CDKAL1: variants seen among roughly 807,000 people sequenced by gnomAD.
CDKAL1 encodes the protein CDKAL1 threonylcarbamoyladenosine tRNA methylthiotransferase.
In CDKAL1, 32 loss-of-function variants were observed where a neutral mutation model predicts 68.2. The ratio of observed to expected loss-of-function variants is 0.47; its 90% CI spans 0.35 to 0.63. The LOEUF (loss-of-function observed/expected upper bound fraction) is 0.63. CDKAL1 is among the 30% of genes least tolerant of loss of function. CDKAL1 has a pLI of 0.00. For synonymous variants in CDKAL1, 234 were observed against 244.3 expected, an observed-to-expected ratio of 0.96 and a Z score of 0.39; for missense variants, 606 against 696.7, an observed-to-expected ratio of 0.87 and a Z score of 1.47.
At chr6:21,088,383 A>G (rs1772817256) in intron 12 of CDKAL1, among the ~76,000 whole-genome samples, 1 of 152,194 alleles carries the variant, frequency 6.6e-6, no homozygotes, top group South Asian at 2.1e-4. Flanking sequence ...ACCATAATCT[A>G]CAGATATGTA....
At chr6:20,826,382 T>G (rs1265752648) in intron 8 of CDKAL1, among the ~76,000 whole-genome samples, 1 of 152,226 alleles carries the variant, frequency 6.6e-6, no homozygotes, top group East Asian at 1.9e-4. Flanking sequence ...CTTGCTTTTC[T>G]TGTGAAAGTT....
intron 15 of CDKAL1, among the ~76,000 whole-genome samples, chr6:21,205,294 C>G (rs535448662): frequency 1.1e-3 from 168 of 152,138 alleles, no homozygotes; most frequent in African/African-American, 4.0e-3. Flanking sequence ...AGTCCCTGCT[C>G]TCAATTCTTT....
chr6:21,201,324 T>G (rs370418756), intron 15 of CDKAL1, 50 bp downstream of exon 15: 1 of 1,493,368 alleles, frequency 6.7e-7, no homozygotes, highest in Non-Finnish European at 9.2e-7. Context: ...ACAGCAGCTG[T>G]GGAAGCACAG....
At position 20,846,061 on chromosome 6, in the gene CDKAL1, T is replaced by C; in HGVS notation, c.639-14T>C. ...TAGAAATTTGAGTCTTATTTATTGTTATCATTTGAACAGGTGTCTCAATGC... is the reference window on the plus strand; with the variant it reads ...TAGAAATTTGAGTCTTATTTATTGTCATCATTTGAACAGGTGTCTCAATGC... On this transcript the variant is annotated splice_polypyrimidine_tract_variant and intron_variant, in intron 8 of 15. Coordinates refer to ENST00000274695, the MANE Select transcript of CDKAL1 (RefSeq NM_017774.3). The C allele has an allele frequency of 6.4e-7, 1 of 1,559,860 alleles. No individual in the cohort carries two copies. Among genetic ancestry groups the C allele is most frequent in the Non-Finnish European group, 8.8e-7 (1 of 1,136,648 alleles).
intron 15 of CDKAL1, among the ~76,000 whole-genome samples, chr6:21,213,680 G>T (rs914423635): frequency 2.0e-5 from 3 of 152,118 alleles, no homozygotes; most frequent in Admixed American, 1.3e-4. Context: ...ATTCTTGTGG[G>T]AAGTGATTTC....
At chr6:20,567,003 G>A (rs989186491) in intron 4 of CDKAL1, among the ~76,000 whole-genome samples, 2 of 151,912 alleles carry the variant, frequency 1.3e-5, no homozygotes, top group East Asian at 1.9e-4. Context: ...TATACTAGGA[G>A]GGGTATTTTT....
chr6:20,663,842 G>T (rs2127773356), intron 5 of CDKAL1, among the ~76,000 whole-genome samples: 1 of 152,088 alleles, frequency 6.6e-6, no homozygotes, highest in East Asian at 1.9e-4. Context: ...CAGGTTGAAG[G>T]ACAGTTAAAC....
chr6:20,984,311 C>A (rs1403505953), intron 10 of CDKAL1, among the ~76,000 whole-genome samples: 1 of 152,084 alleles, frequency 6.6e-6, no homozygotes, highest in African/African-American at 2.4e-5. Context: ...TTCCACAGCT[C>A]ATGGGTGGGG....
chr6:20,673,851 CCT>C (rs1308824230), intron 5 of CDKAL1, among the ~76,000 whole-genome samples: 1 of 152,196 alleles, frequency 6.6e-6, no homozygotes, highest in Admixed American at 6.5e-5. Flanking sequence ...GTCCAATAAA[CCT>C]CTTTCTTTTG....
intron 9 of CDKAL1, among the ~76,000 whole-genome samples, chr6:20,865,262 A>T (rs928552963): frequency 6.6e-6 from 1 of 152,184 alleles, no homozygotes; most frequent in South Asian, 2.1e-4. Context: ...AATACTTGGT[A>T]TTGCAAATGC....
At chr6:21,027,501 T>G (rs1302966814) in intron 11 of CDKAL1, among the ~76,000 whole-genome samples, 1 of 152,202 alleles carries the variant, frequency 6.6e-6, no homozygotes, top group Non-Finnish European at 1.5e-5. Flanking sequence ...ATGTTGAAAT[T>G]TAATTGCCAT....
chr6:21,199,357 A>C (rs1778596895), intron 14 of CDKAL1, among the ~76,000 whole-genome samples: 1 of 152,220 alleles, frequency 6.6e-6, no homozygotes, highest in Non-Finnish European at 1.5e-5. Flanking sequence ...TGGAGACTGC[A>C]GTTGAGGAAG....
intron 4 of CDKAL1, among the ~76,000 whole-genome samples, chr6:20,616,554 G>T (rs1253443652): frequency 6.9e-6 from 1 of 144,462 alleles, no homozygotes; most frequent in Non-Finnish European, 1.5e-5. Flanking sequence ...TTGTGAATGG[G>T]AGTTCACTCA....
At chr6:21,137,124 A>G (rs1273285963) in intron 13 of CDKAL1, among the ~76,000 whole-genome samples, 1 of 152,150 alleles carries the variant, frequency 6.6e-6, no homozygotes, top group African/African-American at 2.4e-5. Context: ...ACGGTCATGC[A>G]TGATGCAGTT....
At chr6:21,049,002 AC>A (rs1770399911) in intron 11 of CDKAL1, among the ~76,000 whole-genome samples, 1 of 150,486 alleles carries the variant, frequency 6.6e-6, no homozygotes, top group Non-Finnish European at 1.5e-5. Context: ...AAATGATTTC[AC>A]CCACTTTATC....
intron 4 of CDKAL1, among the ~76,000 whole-genome samples, chr6:20,577,162 GT>G (rs1764948968): frequency 6.6e-6 from 1 of 152,336 alleles, no homozygotes; most frequent in Non-Finnish European, 1.5e-5. Context: ...AGAGCTGTAA[GT>G]GGGGAAGGCT....
At chr6:20,621,350 T>G (rs1186321053) in intron 4 of CDKAL1, among the ~76,000 whole-genome samples, 2 of 152,180 alleles carry the variant, frequency 1.3e-5, no homozygotes, top group Non-Finnish European at 2.9e-5. Context: ...ATCCTGGGTA[T>G]GTATTGTCAA....
chr6:20,818,246 G>C (rs922001688), intron 8 of CDKAL1, among the ~76,000 whole-genome samples: 1 of 152,054 alleles, frequency 6.6e-6, no homozygotes, highest in East Asian at 1.9e-4. Flanking sequence ...CTTCACTTGA[G>C]GTATATTTCT....
intron 4 of CDKAL1, among the ~76,000 whole-genome samples, chr6:20,584,740 T>G (rs1263722822): frequency 6.6e-6 from 1 of 152,202 alleles, no homozygotes; most frequent in Non-Finnish European, 1.5e-5. Flanking sequence ...AACAGCCCAT[T>G]CCTCTGAAAA....
Sources: allele counts gnomAD v4.1 joint callset (sites outside exome capture counted in the v4.1 genomes callset), GRCh38; gene constraint gnomAD v4.1.1; transcripts MANE v1.5; gene names NCBI Gene and HGNC (gene_info 2026-07-23, HGNC 2026-07-21).